PAX8: variants seen among roughly 807,000 people sequenced by gnomAD.
PAX8 encodes paired box 8.
Under a neutral mutation model 52.4 loss-of-function variants are expected in PAX8, and 15 were observed. That is an observed-to-expected ratio of 0.29 (90% CI 0.19 to 0.44). The LOEUF (loss-of-function observed/expected upper bound fraction) is 0.44. Ranked by LOEUF, PAX8 falls within the 20% of genes least tolerant of loss-of-function variation. The probability of loss-of-function intolerance (pLI) is 1.00; values close to 1 mark genes in which losing one functional copy is unlikely to be tolerated. For synonymous variants in PAX8, 284 were observed against 249.7 expected, an observed-to-expected ratio of 1.14 and a Z score of -1.29; for missense variants, 554 against 602.5, an observed-to-expected ratio of 0.92 and a Z score of 0.84.
chr2:113,241,378 C>T (rs764427275), intron 7 of PAX8, 173 bp downstream of exon 7: 1 of 723,482 alleles, frequency 1.4e-6, no homozygotes, highest in Non-Finnish European at 2.4e-6. Context: ...GAGGAAGATG[C>T]CAGGGCATCT....
At chr2:113,245,029 G>A (rs973175997) in intron 3 of PAX8, among the ~76,000 whole-genome samples, 9 of 150,528 alleles carry the variant, frequency 6.0e-5, no homozygotes, top group Admixed American at 1.3e-4. Context: ...GCTAAAGCAC[G>A]ACTGAGGTTT....
At chr2:113,273,706 C>T (rs1241587162) in intron 2 of PAX8, 1 of 152,162 alleles carries the variant, frequency 6.6e-6, no homozygotes, top group Non-Finnish European at 1.5e-5. Context: ...GGCATATCTT[C>T]ACTAAATTAC....
intron 2 of PAX8, among the ~76,000 whole-genome samples, chr2:113,258,805 T>C (rs1191962668): frequency 6.6e-6 from 1 of 152,194 alleles, no homozygotes; most frequent in Non-Finnish European, 1.5e-5. Flanking sequence ...CTTCACTGTG[T>C]GGTTTCAAGG....
intron 3 of PAX8, among the ~76,000 whole-genome samples, chr2:113,246,120 A>G (rs1306396728): frequency 6.6e-6 from 1 of 152,236 alleles, no homozygotes; most frequent in African/African-American, 2.4e-5. Flanking sequence ...CCCTGGCTGC[A>G]GAGAATTAGA....
rs1690355013 is a variant in PAX8, at chr2:113,236,517, G to A, written c.898+84C>T. ...CAGCCCGCCTCTCCTCTCCAGGCCAGGGCCCCACACCTTCCGCCTGACAGC... is the reference window on the plus strand; with the variant it reads ...CAGCCCGCCTCTCCTCTCCAGGCCAAGGCCCCACACCTTCCGCCTGACAGC... On this transcript the variant is annotated intron_variant, in intron 8 of 11. Transcript: ENST00000429538. 12 of 1,464,794 alleles carry A rather than the reference G, an allele frequency of 8.2e-6. No individual in the cohort carries two copies. In the South Asian group the frequency reaches 1.4e-4, roughly 17 times the overall value. 90.7% of individuals were successfully genotyped at this position (1,464,794 alleles called of 1,614,324 possible). A position where few individuals can be genotyped will look rare whatever the true frequency, so the allele number is the denominator to read the frequency against.
chr2:113,246,879 A>G lies in PAX8; in HGVS notation c.66T>C (p.Asn22=), dbSNP rs755221908. 6.2e-7 allele frequency: 1 copy of G among 1,614,188 alleles called. No individual in the cohort carries two copies. Among genetic ancestry groups the G allele is most frequent in the East Asian group, 2.2e-5 (1 of 44,884 alleles). ...GLNQLGGAFV[N]GRPLPEVVRQ... ...GGACCACTTCCGGCAGAGGTCTGCC[A>G]TTCACAAAGGCCCCTCCCAGCTGGT... Residue 22 remains asparagine, a synonymous_variant, in exon 3 of 12, where the codon AAT becomes AAC. Coordinates refer to ENST00000429538, the MANE Select transcript of PAX8 (RefSeq NM_003466.4).
At chr2:113,227,474 C>T (rs1019950977) in intron 9 of PAX8, among the ~76,000 whole-genome samples, 4 of 152,214 alleles carry the variant, frequency 2.6e-5, no homozygotes, top group African/African-American at 4.8e-5. Flanking sequence ...GCAGGGAGCA[C>T]TTGTTACTGC....
chr2:113,240,800 G>A (rs1690755967), intron 7 of PAX8: 1 of 155,434 alleles, frequency 6.4e-6, no homozygotes, highest in East Asian at 1.9e-4. Context: ...GGTAGGTGCT[G>A]GGAATAAAAA....
intron 2 of PAX8, chr2:113,269,910 T>C (rs1693349017): frequency 6.6e-6 from 1 of 152,200 alleles, no homozygotes; most frequent in Admixed American, 6.5e-5. Flanking sequence ...ATGTTCTGGA[T>C]TTCAACACAC....
chr2:113,270,388 C>T (rs1473418712), intron 2 of PAX8: 1 of 152,190 alleles, frequency 6.6e-6, no homozygotes, highest in Non-Finnish European at 1.5e-5. Flanking sequence ...AGTACAAGCC[C>T]AGAGAGACAT....
chr2:113,257,623 G>C (rs1287161059), intron 2 of PAX8, among the ~76,000 whole-genome samples: 1 of 152,162 alleles, frequency 6.6e-6, no homozygotes. Flanking sequence ...TGGATAAAGA[G>C]GTTTCCCTTG....
At chr2:113,271,778 T>A (rs534147483) in intron 2 of PAX8, 4 of 148,676 alleles carry the variant, frequency 2.7e-5, no homozygotes, top group Admixed American at 2.0e-4. Context: ...GGAATTGGAG[T>A]CTTATCAACC....
At chr2:113,269,256 T>A (rs1472438199) in intron 2 of PAX8, 1 of 152,236 alleles carries the variant, frequency 6.6e-6, no homozygotes, top group African/African-American at 2.4e-5. Context: ...GGAGCCCCAG[T>A]GTAGACCGTC....
intron 9 of PAX8, among the ~76,000 whole-genome samples, chr2:113,233,392 G>T (rs1420896857): frequency 6.6e-6 from 1 of 151,596 alleles, no homozygotes; most frequent in East Asian, 1.9e-4. Flanking sequence ...TATAAAAAAG[G>T]GTCCATGGGC....
At chr2:113,270,832 T>C (rs1693416556) in intron 2 of PAX8, 1 of 150,332 alleles carries the variant, frequency 6.7e-6, no homozygotes, top group Admixed American at 6.6e-5. Context: ...ACAAAACCAA[T>C]GAGTATTGTG....
At chr2:113,224,801 TAAAATAAAATAAAATAAA>T (rs1689457279) in intron 10 of PAX8, among the ~76,000 whole-genome samples, 1 of 136,832 alleles carries the variant, frequency 7.3e-6, no homozygotes, top group Non-Finnish European at 1.6e-5. Context: ...AAAAATAAAA[TAAAATAAAATAAAATAAA>T]AAAATAAAAT....
chr2:113,257,779 A>G (rs1410553276), intron 2 of PAX8, among the ~76,000 whole-genome samples: 4 of 152,224 alleles, frequency 2.6e-5, no homozygotes, highest in Non-Finnish European at 5.9e-5. Context: ...CCTAAGAATA[A>G]TAATCATAGC....
chr2:113,242,887 A>G (rs1217872189), intron 4 of PAX8, 109 bp from the exon 5 acceptor site: 4 of 772,248 alleles, frequency 5.2e-6, no homozygotes, highest in Non-Finnish European at 2.3e-6. Flanking sequence ...TCTCCAAGGC[A>G]CTTGAAACTC....
intron 2 of PAX8, among the ~76,000 whole-genome samples, chr2:113,261,540 G>A (rs1692678402): frequency 6.6e-6 from 1 of 152,266 alleles, no homozygotes; most frequent in Non-Finnish European, 1.5e-5. Context: ...ACGGCTTACA[G>A]ACTATGAAGG....
Sources: allele counts gnomAD v4.1 joint callset (sites outside exome capture counted in the v4.1 genomes callset), GRCh38; gene constraint gnomAD v4.1.1; transcripts MANE v1.5; gene names NCBI Gene and HGNC (gene_info 2026-07-23, HGNC 2026-07-21).